Variants in NEK1 observed in about 807,000 individuals in gnomAD.
NEK1 encodes NIMA related kinase 1, also known as serine/threonine-protein kinase Nek1.
A neutral mutation model predicts 182.1 loss-of-function variants in NEK1; 137 were observed. The ratio of observed to expected loss-of-function variants is 0.75; its 90% CI spans 0.65 to 0.87. The LOEUF is 0.87. Among genes scored for constraint, NEK1 ranks in the 40% least tolerant of loss-of-function variants. The pLI, the probability that NEK1 is intolerant of heterozygous loss-of-function variation, is 0.00. For synonymous variants in NEK1, 513 were observed against 492.2 expected, an observed-to-expected ratio of 1.04 and a Z score of -0.56; for missense variants, 1,391 against 1,494.4, an observed-to-expected ratio of 0.93 and a Z score of 1.14.
chr4:169,599,516 C>T (rs748848294), intron 4 of NEK1, among the ~76,000 whole-genome samples: 7 of 152,118 alleles, frequency 4.6e-5, no homozygotes, highest in African/African-American at 7.2e-5. Flanking sequence ...AATACAATTC[C>T]TTAAATGTCA....
Position 169,446,075 on chromosome 4 carries a change from A to G in NEK1, c.2588-7816T>C, listed in dbSNP as rs111818674. Among the ~76,000 whole-genome samples, 476 of 152,024 alleles carry G rather than the reference A, an allele frequency of 3.1e-3. 2 individuals carry two copies. The highest frequency in any genetic ancestry group is 0.011 in the African/African-American group (446 of 41,428). On this transcript the variant is annotated intron_variant, in intron 27 of 35. Transcript: ENST00000507142. ...CAGAATGGTGCTTATCAGAAGCTGG[A>G]AAGTGTGGCTGGTTAATGCATACAA...
rs1204606191 is a variant in NEK1, at chr4:169,494,342, T to C, written c.2007+12695A>G. On this transcript the variant is annotated intron_variant, in intron 23 of 35. Coordinates refer to ENST00000507142, the MANE Select transcript of NEK1 (RefSeq NM_001199397.3). The stretch of plus-strand genomic sequence containing the variant: ...CAATTCCCACCTATGAGTGAGAACA[T>C]GCAGTGTTTGGTTTTTGTCCTTGTG... 2.6e-5 allele frequency among the ~76,000 whole-genome samples: 4 copies of C among 152,248 alleles called. No individual in the cohort carries two copies. In the East Asian group the frequency reaches 7.7e-4, roughly 29 times the overall value.
intron 29 of NEK1, among the ~76,000 whole-genome samples, chr4:169,432,163 A>C (rs974526737): frequency 1.3e-5 from 2 of 152,214 alleles, no homozygotes; most frequent in African/African-American, 4.8e-5. Context: ...TTTACCTATC[A>C]TAAGAGCTAG....
At chr4:169,436,521 C>A (rs545174557) in intron 28 of NEK1, among the ~76,000 whole-genome samples, 1 of 152,156 alleles carries the variant, frequency 6.6e-6, no homozygotes, top group Non-Finnish European at 1.5e-5. Context: ...AAGGAATTAT[C>A]AAAGCAGAAC....
intron 27 of NEK1, among the ~76,000 whole-genome samples, chr4:169,462,186 T>A (rs1411679187): frequency 6.6e-6 from 1 of 152,014 alleles, no homozygotes; most frequent in Non-Finnish European, 1.5e-5. Context: ...TCCAGAGAGT[T>A]TTGCACTGCA....
intron 23 of NEK1, among the ~76,000 whole-genome samples, chr4:169,482,575 T>C (rs1489566580): frequency 1.3e-5 from 2 of 151,842 alleles, no homozygotes; most frequent in African/African-American, 4.8e-5. Context: ...GTCTCCCGAG[T>C]TGCTGAGACT....
intron 18 of NEK1, among the ~76,000 whole-genome samples, chr4:169,544,230 G>T (rs1410183625): frequency 6.6e-6 from 1 of 152,092 alleles, no homozygotes; most frequent in African/African-American, 2.4e-5. Context: ...ATAATCATGG[G>T]GTTTTTGTCA....
chr4:169,445,244 C>T (rs950231713), intron 27 of NEK1, among the ~76,000 whole-genome samples: 1 of 151,940 alleles, frequency 6.6e-6, no homozygotes. Context: ...CAAAGTGAGA[C>T]CCTGTCACTA....
At chr4:169,505,054 C>A (rs1403719340) in intron 23 of NEK1, among the ~76,000 whole-genome samples, 2 of 151,874 alleles carry the variant, frequency 1.3e-5, no homozygotes, top group African/African-American at 4.8e-5. Flanking sequence ...TTTTAAGGCA[C>A]AACTTACAGA....
In NEK1 at chr4:169,400,330, T is replaced by G. The variant is rs1731440683; in HGVS notation, c.3742A>C (p.Ile1248Leu). The change falls in exon 35 of 36, where the codon ATT (isoleucine) becomes CTT (leucine). Residue 1248 changes from isoleucine (I) to leucine (L), a missense_variant. Around this residue, in one of 5 missense-constraint regions of NEK1, gnomAD observed 1,216 missense variants for 1,277.6 expected, o/e 0.95. Transcript: ENST00000507142. ...KAIHEDEDEN[I>L]EICSKIVQNI... ...TGAACTATTTTTGAACAAATTTCAA[T>G]ATTTTCATCTTCATCTTCATGAATA... 1.3e-6 allele frequency: 2 copies of G among 1,529,978 alleles called. No individual in the cohort carries two copies. The highest frequency in any genetic ancestry group is 1.8e-6 in the Non-Finnish European group (2 of 1,130,790). The allele number at this position is 1,529,978 out of a possible 1,614,324, so 94.8% of individuals were successfully genotyped here.
In NEK1 at chr4:169,396,219, A is replaced by C. The variant is rs545871049; in HGVS notation, c.3848-1696T>G. 4.6e-5 allele frequency among the ~76,000 whole-genome samples: 7 copies of C among 152,032 alleles called. No homozygotes were observed. The East Asian group carries it at 1.4e-3, about 29-fold the overall frequency. ...TGTCTCTACTAAAAATACAAAAATT[A>C]GCTGGGTGTGGTGGCACATGCCTGT... On this transcript the variant is annotated intron_variant, in intron 35 of 35. Coordinates refer to ENST00000507142, the MANE Select transcript of NEK1 (RefSeq NM_001199397.3).
Position 169,477,431 on chromosome 4 carries a change from C to T in NEK1, c.2205+1G>A. Reference sequence around the variant, plus strand: ...TGATAAACTTTGAAAATTTTACTTACTGAAATAGCATTGTTGGTCTTTTGC... The same window carrying T: ...TGATAAACTTTGAAAATTTTACTTATTGAAATAGCATTGTTGGTCTTTTGC... On this transcript the variant is annotated splice_donor_variant, in intron 25 of 35. Coordinates refer to ENST00000507142, the MANE Select transcript of NEK1 (RefSeq NM_001199397.3). LOFTEE classifies it high-confidence loss of function. The T allele has an allele frequency of 6.2e-7, 1 of 1,601,230 alleles. No individual in the cohort carries two copies. Among genetic ancestry groups the T allele is most frequent in the South Asian group, 1.1e-5 (1 of 87,614 alleles).
chr4:169,438,978 T>C (rs1177802080), intron 27 of NEK1, among the ~76,000 whole-genome samples: 2 of 152,174 alleles, frequency 1.3e-5, no homozygotes, highest in East Asian at 3.8e-4. Context: ...TCTCTAACAC[T>C]CATTTTCCAC....
intron 18 of NEK1, among the ~76,000 whole-genome samples, chr4:169,547,353 G>A (rs192811895): frequency 5.3e-5 from 8 of 152,182 alleles, no homozygotes; most frequent in East Asian, 1.9e-4. Context: ...CTGTTAGTCC[G>A]ATGGGCTTCC....
intron 35 of NEK1, among the ~76,000 whole-genome samples, chr4:169,396,390 A>AAAAAAAAAAAAAAAC (rs1730714462): frequency 6.7e-6 from 1 of 149,622 alleles, no homozygotes; most frequent in African/African-American, 2.4e-5. Flanking sequence ...AAAAAAAAAA[A>AAAAAAAAAAAAAAAC]AAAAAAGAAG....
chr4:169,423,511 C>T lies in NEK1; in HGVS notation c.3222+1042G>A, dbSNP rs558649414. On this transcript the variant is annotated intron_variant, in intron 31 of 35. Transcript: ENST00000507142. ...CAATCTCATTTGTAAAACACAGAAACATAAATGTATACAAATCAATAACAT... is the reference window on the plus strand; with the variant it reads ...CAATCTCATTTGTAAAACACAGAAATATAAATGTATACAAATCAATAACAT... 5.9e-5 allele frequency among the ~76,000 whole-genome samples: 9 copies of T among 152,114 alleles called. No homozygotes were observed. In the East Asian group the frequency reaches 9.6e-4, roughly 16 times the overall value.
At chr4:169,586,716 A>C (rs1767598185) in intron 9 of NEK1, among the ~76,000 whole-genome samples, 1 of 152,154 alleles carries the variant, frequency 6.6e-6, no homozygotes, top group South Asian at 2.1e-4. Context: ...TTCCTTAAGA[A>C]AGAAAAAAAA....
chr4:169,468,792 G>C (rs899653227), intron 26 of NEK1, among the ~76,000 whole-genome samples: 26 of 152,154 alleles, frequency 1.7e-4, no homozygotes, highest in African/African-American at 6.0e-4. Context: ...CTGAATTTCA[G>C]AACTTGTTAT....
chr4:169,577,257 A>G (rs1177316037), intron 11 of NEK1, among the ~76,000 whole-genome samples, 178 bp from the exon 12 acceptor site: 1 of 152,130 alleles, frequency 6.6e-6, no homozygotes, highest in Non-Finnish European at 1.5e-5. Context: ...TTTTACCCTA[A>G]AGTCACTTTT....
Sources: gnomAD v4.1 joint callset for allele counts (sites outside exome capture counted in the v4.1 genomes callset) on GRCh38, gnomAD v4.1.1 for gene constraint, gnomAD v4.1.1 regional missense constraint, MANE v1.5 for transcripts, NCBI Gene and HGNC (gene_info 2026-07-23, HGNC 2026-07-21) for gene names.